The following TBC1D4 variants were observed in gnomAD, a reference collection of about 807,000 sequenced individuals.
TBC1D4 encodes the protein TBC1 domain family member 4.
In TBC1D4, 121 loss-of-function variants were observed where a neutral mutation model predicts 142.5. That is an observed-to-expected ratio of 0.85 (90% CI 0.73 to 0.99). The LOEUF is 0.99. Among genes scored for constraint, TBC1D4 ranks in the 50% least tolerant of loss-of-function variants. TBC1D4 has a pLI of 0.00. For synonymous variants in TBC1D4, 630 were observed against 628.2 expected (o/e 1.00, Z -0.04); for missense variants, 1,475 against 1,606.6 (o/e 0.92, Z 1.40).
At chr13:75,296,696 T>G (rs996676938) in intron 17 of TBC1D4, among the ~76,000 whole-genome samples, 3 of 150,846 alleles carry the variant, frequency 2.0e-5, no homozygotes, top group African/African-American at 7.3e-5. Context: ...CAGAGAGAGA[T>G]AAGGGTAGGG....
chr13:75,480,043 ACC>A (rs1888772714), intron 1 of TBC1D4, among the ~76,000 whole-genome samples: 2 of 151,794 alleles, frequency 1.3e-5, no homozygotes. Context: ...AAAAAAAAAA[ACC>A]TATTTTTCAA....
Position 75,286,484 on chromosome 13 carries a change from G to T in TBC1D4, c.*308C>A. 1 of 229,564 alleles carries T rather than the reference G, an allele frequency of 4.4e-6. No individual in the cohort carries two copies. 14.2% of individuals were successfully genotyped at this position (229,564 alleles called of 1,614,324 possible). On this transcript the variant is annotated 3_prime_UTR_variant, in exon 21 of 21. Coordinates refer to ENST00000377636, the MANE Select transcript of TBC1D4 (RefSeq NM_014832.5). Reference sequence around the variant, plus strand: ...ACCTTTCCTTTGGTGTGGATTTCATGAAGTTCTGACTAAAAAAATTAATCT... The same window carrying T: ...ACCTTTCCTTTGGTGTGGATTTCATTAAGTTCTGACTAAAAAAATTAATCT...
At chr13:75,350,334 A>G (rs532367399) in intron 4 of TBC1D4, among the ~76,000 whole-genome samples, 1 of 152,318 alleles carries the variant, frequency 6.6e-6, no homozygotes, top group African/African-American at 2.4e-5. Context: ...ATCTACTTCT[A>G]CATTTCAGTA....
intron 1 of TBC1D4, among the ~76,000 whole-genome samples, chr13:75,457,350 T>C (rs1267735145): frequency 6.6e-6 from 1 of 152,204 alleles, no homozygotes; most frequent in Non-Finnish European, 1.5e-5. Flanking sequence ...GGCTGTCCTG[T>C]GCACTGTAGA....
chr13:75,351,141 C>CA (rs1339269912), intron 4 of TBC1D4, among the ~76,000 whole-genome samples: 1 of 151,938 alleles, frequency 6.6e-6, no homozygotes, highest in Non-Finnish European at 1.5e-5. Context: ...AAATTTCCAG[C>CA]AAAAAACATA....
chr13:75,480,044 C>CAAAAAA (rs1219620258), intron 1 of TBC1D4, among the ~76,000 whole-genome samples: 2 of 150,896 alleles, frequency 1.3e-5, no homozygotes, highest in East Asian at 1.9e-4. Flanking sequence ...AAAAAAAAAA[C>CAAAAAA]CTATTTTTCA....
intron 7 of TBC1D4, among the ~76,000 whole-genome samples, chr13:75,338,150 T>G (rs73220088): frequency 0.049 from 7,381 of 151,964 alleles, 292 homozygotes; most frequent in Admixed American, 0.11. Context: ...AAAATCAGAC[T>G]GAAACATCAA....
Position 75,284,277 on chromosome 13 carries a change from CTATTAT to C in TBC1D4, c.*2509_*2514del, listed in dbSNP as rs921564531. On this transcript the variant is annotated 3_prime_UTR_variant, in exon 21 of 21. Coordinates refer to ENST00000377636, the MANE Select transcript of TBC1D4 (RefSeq NM_014832.5). ...AGCACATTTATTGTGCACTTTATTT[CTATTAT>C]TATTATTATATCCTCACCATATTAT... is the stretch of plus-strand genomic sequence containing the variant. 1.8e-4 allele frequency among the ~76,000 whole-genome samples: 28 copies of C among 151,840 alleles called. No homozygotes were observed. Among genetic ancestry groups the C allele is most frequent in the Non-Finnish European group, 4.0e-4 (27 of 67,948 alleles).
Position 75,286,257 on chromosome 13 carries a change from A to G in TBC1D4, c.*535T>C, listed in dbSNP as rs1874656605. ...CAGTAATCATTTTCCTCATATAGAC[A>G]ATGTCAGTAGATATCAAGACAGATA... On this transcript the variant is annotated 3_prime_UTR_variant, in exon 21 of 21. Coordinates refer to ENST00000377636, the MANE Select transcript of TBC1D4 (RefSeq NM_014832.5). The G allele has an allele frequency of 6.5e-6, 1 of 154,432 alleles. No individual in the cohort carries two copies. Among genetic ancestry groups the G allele is most frequent in the Admixed American group, 6.4e-5 (1 of 15,598 alleles). 9.6% of individuals were successfully genotyped at this position (154,432 alleles called of 1,614,324 possible).
chr13:75,305,479 A>C (rs1173313578), intron 15 of TBC1D4, among the ~76,000 whole-genome samples: 1 of 152,220 alleles, frequency 6.6e-6, no homozygotes, highest in African/African-American at 2.4e-5. Flanking sequence ...ATTCAGTAAA[A>C]ATCTTTAGGA....
rs547558018 is a variant in TBC1D4 at position 75,405,773 on chromosome 13, T to G, written c.499-43166A>C. On this transcript the variant is annotated intron_variant, in intron 1 of 20. Transcript: ENST00000377636. ...GCTTTAAGCCAAGAACTCATTTGTT[T>G]AAAGAGTTAAATTAACCACTATGTA... Among the ~76,000 whole-genome samples the G allele has an allele frequency of 4.6e-5, 7 of 152,312 alleles. No individual in the cohort carries two copies. The East Asian group carries it at 7.7e-4, about 17-fold the overall frequency.
chr13:75,381,611 C>G (rs187496243), intron 1 of TBC1D4, among the ~76,000 whole-genome samples: 1 of 152,274 alleles, frequency 6.6e-6, no homozygotes, highest in East Asian at 1.9e-4. Flanking sequence ...TTCCTTATTG[C>G]CCAGATATGA....
intron 4 of TBC1D4, among the ~76,000 whole-genome samples, chr13:75,349,651 G>A (rs2138116792): frequency 6.6e-6 from 1 of 152,192 alleles, no homozygotes; most frequent in East Asian, 1.9e-4. Flanking sequence ...AGATCCTTTT[G>A]GAAGTTTTGT....
chr13:75,384,580 T>TA (rs35473850), intron 1 of TBC1D4, among the ~76,000 whole-genome samples: 34,586 of 139,622 alleles, frequency 0.25, 4,318 homozygotes, highest in East Asian at 0.35. Context: ...AAAGTTTCTT[T>TA]AAAAAAAAAA....
Position 75,431,356 on chromosome 13 carries a change from A to G in TBC1D4, c.498+49914T>C, listed in dbSNP as rs571203848. Among the ~76,000 whole-genome samples the G allele has an allele frequency of 1.2e-4, 19 of 152,328 alleles. No individual in the cohort carries two copies. In the South Asian group the frequency reaches 3.7e-3, roughly 30 times the overall value. On this transcript the variant is annotated intron_variant, in intron 1 of 20. Transcript: ENST00000377636. ...AAAACTCTTTTGTACTATTTTCTTTAACTTCCTAAATGATCTTAATCCCCT... is the reference window on the plus strand; with the variant it reads ...AAAACTCTTTTGTACTATTTTCTTTGACTTCCTAAATGATCTTAATCCCCT...
chr13:75,446,827 T>C (rs1887304738), intron 1 of TBC1D4, among the ~76,000 whole-genome samples: 1 of 151,858 alleles, frequency 6.6e-6, no homozygotes, highest in Non-Finnish European at 1.5e-5. Context: ...TGATCTCAAA[T>C]TAGTCCATAT....
At chr13:75,479,921 A>G (rs190530482) in intron 1 of TBC1D4, among the ~76,000 whole-genome samples, 73 of 152,180 alleles carry the variant, frequency 4.8e-4, no homozygotes, top group Middle Eastern at 6.8e-3. Context: ...AATGCCAGCT[A>G]CTGGGGAGGC....
intron 1 of TBC1D4, among the ~76,000 whole-genome samples, chr13:75,396,021 T>C (rs1884780284): frequency 6.6e-6 from 1 of 152,130 alleles, no homozygotes; most frequent in South Asian, 2.1e-4. Context: ...AAGTCCCTCG[T>C]TTTTCTCATG....
At chr13:75,349,140 C>A (rs1881396761) in intron 5 of TBC1D4, 30 bp downstream of exon 5, 1 of 1,613,756 alleles carries the variant, frequency 6.2e-7, no homozygotes, top group Non-Finnish European at 8.5e-7. Flanking sequence ...AAGCAAACTT[C>A]TCTTTTGCCA....
Sources: allele counts gnomAD v4.1 joint callset (sites outside exome capture counted in the v4.1 genomes callset), GRCh38; gene constraint gnomAD v4.1.1; transcripts MANE v1.5; gene names NCBI Gene and HGNC (gene_info 2026-07-23, HGNC 2026-07-21).